The following ZNF516 variants were observed in gnomAD, a reference collection of about 807,000 sequenced individuals.
The protein encoded by ZNF516 is zinc finger protein 516.
In ZNF516, 19 loss-of-function variants were observed where a neutral mutation model predicts 79.7. The observed-to-expected ratio is 0.24, with a 90% CI of 0.17 to 0.35. The LOEUF (loss-of-function observed/expected upper bound fraction) is 0.35, where lower values mean the gene tolerates loss of function less well. ZNF516 is among the 10% of genes least tolerant of loss of function. The pLI, the probability that ZNF516 is intolerant of heterozygous loss-of-function variation, is 1.00. For missense variants in ZNF516, 1,678 were observed against 1,679.5 expected (o/e 1.00, Z 0.02); for synonymous variants, 877 against 739.5 (o/e 1.19, Z -3.02).
At chr18:76,457,552 G>T (rs1421248257) in intron 2 of ZNF516, among the ~76,000 whole-genome samples, 1 of 152,084 alleles carries the variant, frequency 6.6e-6, no homozygotes, top group East Asian at 1.9e-4. Context: ...TCTATATAAA[G>T]ATTAAAAAAT....
chr18:76,406,590 A>G (rs1034184298), intron 3 of ZNF516, among the ~76,000 whole-genome samples: 1 of 152,130 alleles, frequency 6.6e-6, no homozygotes, highest in Non-Finnish European at 1.5e-5. Context: ...AAAACAAACA[A>G]GAAACCATAA....
intron 3 of ZNF516, among the ~76,000 whole-genome samples, chr18:76,413,828 A>C (rs1176384396): frequency 6.6e-6 from 1 of 152,242 alleles, no homozygotes; most frequent in Non-Finnish European, 1.5e-5. Flanking sequence ...ACGAAACCTC[A>C]TGAACAAAAA....
At chr18:76,422,821 C>T (rs755743440) in intron 3 of ZNF516, among the ~76,000 whole-genome samples, 8 of 152,088 alleles carry the variant, frequency 5.3e-5, no homozygotes, top group Non-Finnish European at 1.2e-4. Context: ...AATCTCCAAT[C>T]GTAAACAATG....
chr18:76,447,699 A>G (rs879393442), intron 2 of ZNF516, among the ~76,000 whole-genome samples: 1 of 152,200 alleles, frequency 6.6e-6, no homozygotes, highest in Non-Finnish European at 1.5e-5. Context: ...GACCCATCTG[A>G]ACACATGGTG....
In ZNF516 at chr18:76,463,113, A is replaced by T. The variant is rs1267815599; in HGVS notation, c.-243T>A. 6.6e-6 allele frequency: 1 copy of T among 152,226 alleles called. No individual in the cohort carries two copies. Among genetic ancestry groups the T allele is most frequent in the African/African-American group, 2.4e-5 (1 of 41,450 alleles). 9.4% of individuals were successfully genotyped at this position (152,226 alleles called of 1,614,324 possible). A position where few individuals can be genotyped will look rare whatever the true frequency, so the allele number is the denominator to read the frequency against. On this transcript the variant is annotated 5_prime_UTR_variant, in exon 2 of 7. Coordinates refer to ENST00000443185, the MANE Select transcript of ZNF516 (RefSeq NM_014643.4). ...CTCAGCTAAAAGTGTTCAGAGAAGGACCGAACTCCACTCGGCCTCTCTCAG... is the reference window on the plus strand; with the variant it reads ...CTCAGCTAAAAGTGTTCAGAGAAGGTCCGAACTCCACTCGGCCTCTCTCAG...
Position 76,358,561 on chromosome 18 carries a change from T to C in ZNF516, c.*3937A>G, listed in dbSNP as rs1486789915. 6.6e-6 allele frequency: 1 copy of C among 152,266 alleles called. No individual in the cohort carries two copies. Among genetic ancestry groups the C allele is most frequent in the African/African-American group, 2.4e-5 (1 of 41,468 alleles). The allele number at this position is 152,266 out of a possible 1,614,324, so 9.4% of individuals were successfully genotyped here. A position where few individuals can be genotyped will look rare whatever the true frequency, so the allele number is the denominator to read the frequency against. On this transcript the variant is annotated 3_prime_UTR_variant, in exon 7 of 7. Transcript: ENST00000443185. The stretch of plus-strand genomic sequence containing the variant: ...AAGGCGTCCTCCTCACTTGAAGTCC[T>C]GGCCTGTGGTTGTTTCATCTGTTTT...
intron 4 of ZNF516, chr18:76,378,099 G>C (rs1333927273): frequency 6.6e-6 from 1 of 152,216 alleles, no homozygotes; most frequent in Non-Finnish European, 1.5e-5. Context: ...ATTTTTAACA[G>C]AACTTAGGTT....
At chr18:76,430,013 C>G (rs1271318312) in intron 3 of ZNF516, among the ~76,000 whole-genome samples, 1 of 152,224 alleles carries the variant, frequency 6.6e-6, no homozygotes, top group Non-Finnish European at 1.5e-5. Flanking sequence ...CTGTTCAGAG[C>G]TTCTGAAAAT....
rs567546942 is a variant in ZNF516, at chr18:76,377,341, G to A, written c.3259+1514C>T. 1.5e-4 allele frequency among the ~76,000 whole-genome samples: 23 copies of A among 152,402 alleles called. 1 individual carries two copies. The South Asian group carries it at 4.8e-3, about 32-fold the overall frequency. ...CTAAAAAGTTCACAAGTGCTCAGCGGGCTCTTCAAAGCAGGAATGTAACAA... is the reference window on the plus strand; with the variant it reads ...CTAAAAAGTTCACAAGTGCTCAGCGAGCTCTTCAAAGCAGGAATGTAACAA... On this transcript the variant is annotated intron_variant, in intron 4 of 6. Coordinates refer to ENST00000443185, the MANE Select transcript of ZNF516 (RefSeq NM_014643.4).
At chr18:76,363,603 A>C (rs183503960) in intron 6 of ZNF516, among the ~76,000 whole-genome samples, 2 of 152,236 alleles carry the variant, frequency 1.3e-5, no homozygotes, top group Non-Finnish European at 2.9e-5. Flanking sequence ...TGTAGGAAAC[A>C]GTAATGGAAT....
intron 3 of ZNF516, among the ~76,000 whole-genome samples, chr18:76,384,118 C>A (rs1167935568): frequency 3.3e-5 from 5 of 152,190 alleles, no homozygotes; most frequent in Non-Finnish European, 7.4e-5. Context: ...CCCTTTTCTA[C>A]ACTTCCCATT....
intron 3 of ZNF516, among the ~76,000 whole-genome samples, chr18:76,418,461 T>C (rs556487242): frequency 6.8e-6 from 1 of 146,950 alleles, no homozygotes; most frequent in Non-Finnish European, 1.5e-5. Flanking sequence ...TAACATGCTG[T>C]AACACGCTAC....
At chr18:76,401,996 C>T (rs901543540) in intron 3 of ZNF516, among the ~76,000 whole-genome samples, 1 of 148,920 alleles carries the variant, frequency 6.7e-6, no homozygotes, top group Non-Finnish European at 1.5e-5. Context: ...TGTGTGTACG[C>T]GCGTGTGTAC....
intron 1 of ZNF516, among the ~76,000 whole-genome samples, chr18:76,480,608 C>T (rs1193026364): frequency 1.3e-5 from 2 of 151,894 alleles, no homozygotes; most frequent in African/African-American, 4.8e-5. Flanking sequence ...CTACAACCTC[C>T]ATCTCCCGGA....
At chr18:76,446,660 T>C (rs1197699855) in intron 2 of ZNF516, among the ~76,000 whole-genome samples, 1 of 152,186 alleles carries the variant, frequency 6.6e-6, no homozygotes. Flanking sequence ...CTTAAAAGCT[T>C]TCCCCGAAAC....
intron 1 of ZNF516, among the ~76,000 whole-genome samples, chr18:76,486,969 T>C (rs1914868999): frequency 6.6e-6 from 1 of 152,174 alleles, no homozygotes; most frequent in African/African-American, 2.4e-5. Flanking sequence ...AAACCTACTA[T>C]AGTTGTCTTT....
chr18:76,406,151 C>CCCG (rs1361346878), intron 3 of ZNF516, among the ~76,000 whole-genome samples: 7 of 152,356 alleles, frequency 4.6e-5, no homozygotes, highest in African/African-American at 1.4e-4. Flanking sequence ...GCCTGCAACT[C>CCCG]GCCCGCGCTG....
intron 2 of ZNF516, among the ~76,000 whole-genome samples, chr18:76,444,175 T>C (rs1599102689): frequency 6.6e-6 from 1 of 152,220 alleles, no homozygotes; most frequent in Non-Finnish European, 1.5e-5. Context: ...AGCAGAACGA[T>C]GAGCCAGTTA....
chr18:76,470,934 A>G (rs1913797231), intron 1 of ZNF516, among the ~76,000 whole-genome samples: 2 of 152,218 alleles, frequency 1.3e-5, no homozygotes, highest in Admixed American at 1.3e-4. Flanking sequence ...AAGAAAAAAG[A>G]AAAACAGTTC....
Sources: gnomAD v4.1 joint callset for allele counts (sites outside exome capture counted in the v4.1 genomes callset) on GRCh38, gnomAD v4.1.1 for gene constraint, MANE v1.5 for transcripts, NCBI Gene and HGNC (gene_info 2026-07-23, HGNC 2026-07-21) for gene names.